The following MGAT4C variants were observed in gnomAD, a reference collection of about 807,000 sequenced individuals.
MGAT4C encodes the protein alpha-1,3-mannosyl-glycoprotein 4-beta-N-acetylglucosaminyltransferase C.
Under a neutral mutation model 40.1 loss-of-function variants are expected in MGAT4C, and 19 were observed. The ratio of observed to expected loss-of-function variants is 0.47; its 90% CI spans 0.33 to 0.70. The LOEUF is 0.70. Ranked by LOEUF, MGAT4C falls within the 30% of genes least tolerant of loss-of-function variation. MGAT4C has a pLI of 0.02. For synonymous variants in MGAT4C, 181 were observed against 187.1 expected, an observed-to-expected ratio of 0.97 and a Z score of 0.27; for missense variants, 491 against 563.2, an observed-to-expected ratio of 0.87 and a Z score of 1.30.
chr12:86,795,664 G>A (rs775094454), intron 1 of MGAT4C, among the ~76,000 whole-genome samples: 16 of 151,840 alleles, frequency 1.1e-4, no homozygotes, highest in Admixed American at 2.0e-4. Context: ...AAGAAGAAGA[G>A]AGATGGATAC....
chr12:86,623,441 G>T (rs1179332036), intron 2 of MGAT4C, among the ~76,000 whole-genome samples: 7 of 151,876 alleles, frequency 4.6e-5, no homozygotes, highest in African/African-American at 1.7e-4. Flanking sequence ...AAAGTTATCA[G>T]TTTTTTTTAA....
At chr12:85,987,302 A>G (rs1484400843) in intron 3 of MGAT4C, among the ~76,000 whole-genome samples, 1 of 150,610 alleles carries the variant, frequency 6.6e-6, no homozygotes, top group Non-Finnish European at 1.5e-5. Context: ...ACGCCCGGCT[A>G]ATTTTTTTGT....
In MGAT4C at chr12:86,402,318, G is replaced by A. The variant is rs141562895; in HGVS notation, c.-120+32839C>T. ...CATGTGCCTGTAATCCCAGCTACTC[G>A]GGAGGTTGAGGCAGGATAATTACTT... On this transcript the variant is annotated intron_variant, in intron 3 of 7. Coordinates refer to the MGAT4C transcript ENST00000548651. 3.7e-3 allele frequency among the ~76,000 whole-genome samples: 567 copies of A among 152,016 alleles called. 2 individuals are homozygous for A. The highest frequency in any genetic ancestry group is 0.013 in the African/African-American group (534 of 41,454).
At chr12:86,776,615 A>T (rs1490815544) in intron 1 of MGAT4C, among the ~76,000 whole-genome samples, 1 of 152,188 alleles carries the variant, frequency 6.6e-6, no homozygotes, top group East Asian at 1.9e-4. Flanking sequence ...AATTCAAATT[A>T]CTGTACTAAA....
At chr12:86,319,149 TA>T in intron 4 of MGAT4C, among the ~76,000 whole-genome samples, 1 of 152,172 alleles carries the variant, frequency 6.6e-6, no homozygotes, top group Non-Finnish European at 1.5e-5. Flanking sequence ...CTGAAGCCCA[TA>T]ATCATATCTA....
At chr12:86,005,874 T>A (rs1712127726) in intron 2 of MGAT4C, among the ~76,000 whole-genome samples, 1 of 152,166 alleles carries the variant, frequency 6.6e-6, no homozygotes, top group African/African-American at 2.4e-5. Context: ...CTCATTTTGG[T>A]TATCTTTGAT....
intron 1 of MGAT4C, among the ~76,000 whole-genome samples, chr12:86,781,346 A>G (rs528635077): frequency 9.2e-5 from 14 of 151,946 alleles, no homozygotes; most frequent in African/African-American, 3.4e-4. Flanking sequence ...CGTAATAGCC[A>G]TTCTGACTCG....
intron 1 of MGAT4C, among the ~76,000 whole-genome samples, chr12:86,064,277 G>T (rs1035677657): frequency 5.9e-5 from 9 of 152,208 alleles, no homozygotes; most frequent in Non-Finnish European, 7.3e-5. Context: ...CTACTCGGGA[G>T]CCTGAGGCAG....
chr12:86,268,890 TG>T (rs1307003907), intron 4 of MGAT4C, among the ~76,000 whole-genome samples: 3 of 142,004 alleles, frequency 2.1e-5, no homozygotes, highest in Admixed American at 7.1e-5. Context: ...AAAGAAAGGG[TG>T]TTTTTTTTTT....
intron 2 of MGAT4C, among the ~76,000 whole-genome samples, chr12:86,700,142 C>A (rs11104039): frequency 7.2e-5 from 2 of 27,964 alleles, no homozygotes; most frequent in African/African-American, 1.6e-4. Flanking sequence ...GATAGATAGA[C>A]AGACAGACAG....
intron 1 of MGAT4C, among the ~76,000 whole-genome samples, chr12:86,152,317 G>A (rs186761788): frequency 6.6e-6 from 1 of 152,320 alleles, no homozygotes; most frequent in Admixed American, 6.5e-5. Context: ...TCAGTGTCTG[G>A]TGAGAACCTG....
chr12:86,348,695 C>T (rs766811487), intron 3 of MGAT4C, among the ~76,000 whole-genome samples: 16 of 152,006 alleles, frequency 1.1e-4, no homozygotes, highest in Non-Finnish European at 2.1e-4. Flanking sequence ...TTCAATAGTA[C>T]GTGGTTTTTT....
chr12:86,086,130 G>A (rs557487255), intron 1 of MGAT4C, among the ~76,000 whole-genome samples: 2 of 152,152 alleles, frequency 1.3e-5, no homozygotes, highest in African/African-American at 4.8e-5. Context: ...GCAAAGACTT[G>A]GACCCAACCC....
intron 1 of MGAT4C, among the ~76,000 whole-genome samples, chr12:86,146,320 C>T (rs1036488841): frequency 6.6e-5 from 10 of 151,982 alleles, no homozygotes; most frequent in Non-Finnish European, 1.2e-4. Context: ...ATCCACATGT[C>T]CCATCGTGTT....
chr12:86,392,611 G>A (rs1189343408), intron 3 of MGAT4C, among the ~76,000 whole-genome samples: 2 of 152,182 alleles, frequency 1.3e-5, no homozygotes, highest in African/African-American at 4.8e-5. Flanking sequence ...AGTGGTGAGG[G>A]ATGGCTTTTA....
At chr12:86,421,558 G>A (rs1482379561) in intron 3 of MGAT4C, among the ~76,000 whole-genome samples, 2 of 152,276 alleles carry the variant, frequency 1.3e-5, no homozygotes, top group East Asian at 3.9e-4. Flanking sequence ...GATCAATTGA[G>A]GTCAGCAGTT....
At chr12:86,691,801 C>A (rs924791458) in intron 2 of MGAT4C, among the ~76,000 whole-genome samples, 9 of 151,828 alleles carry the variant, frequency 5.9e-5, no homozygotes, top group African/African-American at 2.2e-4. Flanking sequence ...TATAGGAAAT[C>A]TAAATGATAG....
intron 3 of MGAT4C, among the ~76,000 whole-genome samples, chr12:86,338,607 C>T (rs1219689926): frequency 6.6e-6 from 1 of 152,092 alleles, no homozygotes; most frequent in Non-Finnish European, 1.5e-5. Flanking sequence ...ACAAGGACAG[C>T]TTGGAGGTTA....
At chr12:86,718,791 T>G (rs1205068873) in intron 2 of MGAT4C, among the ~76,000 whole-genome samples, 1 of 152,114 alleles carries the variant, frequency 6.6e-6, no homozygotes, top group East Asian at 1.9e-4. Context: ...GCATGCTCCT[T>G]ATGAGTGTCT....
Sources: gnomAD v4.1 joint callset for allele counts (sites outside exome capture counted in the v4.1 genomes callset) on GRCh38, gnomAD v4.1.1 for gene constraint, MANE v1.5 for transcripts, NCBI Gene and HGNC (gene_info 2026-07-23, HGNC 2026-07-21) for gene names.